Variants in HECTD4 observed in about 807,000 individuals in gnomAD.
HECTD4 encodes HECT domain E3 ubiquitin protein ligase 4, also known as probable E3 ubiquitin-protein ligase HECTD4.
In HECTD4, 114 loss-of-function variants were observed where a neutral mutation model predicts 471.5. The ratio of observed to expected loss-of-function variants is 0.24; its 90% CI spans 0.21 to 0.28. The LOEUF (loss-of-function observed/expected upper bound fraction) is 0.28. Ranked by LOEUF, HECTD4 falls within the 10% of genes least tolerant of loss-of-function variation. The probability of loss-of-function intolerance (pLI) is 1.00; values close to 1 mark genes in which losing one functional copy is unlikely to be tolerated. For missense variants in HECTD4, 3,866 were observed against 5,651.5 expected (o/e 0.68, Z 10.13); for synonymous variants, 2,012 against 2,256.0 (o/e 0.89, Z 3.07).
intron 1 of HECTD4, among the ~76,000 whole-genome samples, chr12:112,332,540 CAAAAAAAAAA>C (rs58503491): frequency 1.6e-5 from 1 of 63,022 alleles, no homozygotes; most frequent in African/African-American, 5.2e-5. Context: ...GACTCTGTCT[CAAAAAAAAAA>C]AAAAAAAAAA....
Position 112,231,619 on chromosome 12 carries a change from G to A in HECTD4, c.6094C>T (p.Pro2032Ser), listed in dbSNP as rs776128580. Residue 2032 changes from proline (P) to serine (S), a missense_variant, in exon 39 of 76, where the codon CCT becomes TCT. Pro to Ser is a moderately conservative substitution (Grantham distance 74, BLOSUM62 -1). Coordinates refer to ENST00000682272, the MANE Select transcript of HECTD4 (RefSeq NM_001388303.1). ...GTCTCTGGGTTGATAGACTCTACAG[G>A]TGGCCCAATGCTGACGATGAGGCCT... ...QSGLIVSIGP[P>S]VESINPETVS... 6.2e-7 allele frequency: 1 copy of A among 1,613,946 alleles called. No individual in the cohort carries two copies. The highest frequency in any genetic ancestry group is 8.5e-7 in the Non-Finnish European group (1 of 1,179,876).
At chr12:112,293,470 A>G (rs1260923526) in intron 7 of HECTD4, among the ~76,000 whole-genome samples, 29 of 151,916 alleles carry the variant, frequency 1.9e-4, no homozygotes. Context: ...TGAACCTGGG[A>G]GACAGAGGTT....
chr12:112,307,332 T>C (rs774780162), intron 6 of HECTD4, among the ~76,000 whole-genome samples: 18 of 152,252 alleles, frequency 1.2e-4, no homozygotes, highest in Non-Finnish European at 2.5e-4. Flanking sequence ...GACTAGAAAG[T>C]TGACAGCTAC....
rs1486026958 is a variant in HECTD4, at chr12:112,269,575, C to A, written c.2321+129G>T. ...AAACCCCTCTCCAGTGAAATTATCCCCAATCCATGAGGTCCCAATTGTGGG... is the reference window on the plus strand; with the variant it reads ...AAACCCCTCTCCAGTGAAATTATCCACAATCCATGAGGTCCCAATTGTGGG... On this transcript the variant is annotated intron_variant, in intron 13 of 75. Coordinates refer to ENST00000682272, the MANE Select transcript of HECTD4 (RefSeq NM_001388303.1). 6 of 988,138 alleles carry A rather than the reference C, an allele frequency of 6.1e-6. No homozygotes were observed. In the Admixed American group the frequency reaches 8.3e-5, roughly 14 times the overall value. The allele number at this position is 988,138 out of a possible 1,614,324, so 61.2% of individuals were successfully genotyped here.
At chr12:112,214,675 A>C (rs1008095327) in intron 48 of HECTD4, among the ~76,000 whole-genome samples, 1 of 152,160 alleles carries the variant, frequency 6.6e-6, no homozygotes, top group Admixed American at 6.5e-5. Context: ...AAGGAAATAA[A>C]AACACTGAAA....
At chr12:112,371,006 G>A (rs536348606) in intron 1 of HECTD4, among the ~76,000 whole-genome samples, 12 of 152,270 alleles carry the variant, frequency 7.9e-5, no homozygotes, top group African/African-American at 2.9e-4. Context: ...AAGGTGGGGA[G>A]GGGAAAGCAT....
At position 112,258,717 on chromosome 12, in the gene HECTD4, C is replaced by A; in HGVS notation, c.3028-121G>T. On this transcript the variant is annotated intron_variant, in intron 19 of 75. Transcript: ENST00000682272. ...TTTACAATCCTAGTCTGCTCTCCTT[C>A]ATTAAGAAATGCTGTGCTACTTAGA... 4.1e-6 allele frequency: 3 copies of A among 735,224 alleles called. No individual in the cohort carries two copies. In the South Asian group the frequency reaches 6.1e-5, roughly 15 times the overall value. The allele number at this position is 735,224 out of a possible 1,614,324, so 45.5% of individuals were successfully genotyped here.
intron 1 of HECTD4, among the ~76,000 whole-genome samples, chr12:112,372,104 C>CT (rs538069859): frequency 0.17 from 22,801 of 135,798 alleles, 2,451 homozygotes; most frequent in South Asian, 0.35. Context: ...ATAATCACAT[C>CT]TTTTTTTTTT....
At position 112,219,469 on chromosome 12, in the gene HECTD4, C is replaced by G. The variant is rs1170983598; in HGVS notation, c.6991G>C (p.Glu2331Gln). The change falls in exon 45 of 76, where the codon GAG becomes CAG. Residue 2331 changes from glutamate to glutamine, a missense_variant. Glu to Gln is a conservative substitution (Grantham distance 29). Coordinates refer to ENST00000682272, the MANE Select transcript of HECTD4 (RefSeq NM_001388303.1). ...CSAGERLAVV[E>Q]VQCERLRMLY... ...ATCCTCAGCCGTTCACACTGTACCT[C>G]CACAACTGCAAGTCGCTCTCCTGTA... 14 of 1,613,640 alleles carry G rather than the reference C, an allele frequency of 8.7e-6. No individual in the cohort carries two copies. The highest frequency in any genetic ancestry group is 1.2e-5 in the Non-Finnish European group (14 of 1,179,664).
At chr12:112,247,994 AC>A in intron 27 of HECTD4, 72 bp downstream of exon 27, 1 of 1,035,002 alleles carries the variant, frequency 9.7e-7, no homozygotes. Flanking sequence ...ACACACACAC[AC>A]ACACACACAC....
chr12:112,247,448 T>C lies in HECTD4; in HGVS notation c.4337+14A>G, dbSNP rs923662612. 1.4e-5 allele frequency: 19 copies of C among 1,371,240 alleles called. No individual in the cohort carries two copies. Among genetic ancestry groups the C allele is most frequent in the Non-Finnish European group, 1.8e-5 (18 of 1,000,792 alleles). 84.9% of individuals were successfully genotyped at this position (1,371,240 alleles called of 1,614,324 possible). ...AAGGTGATAATAGCCTTAATAGTTATTAATACGACTAACCTCAGTGATAGG... is the reference window on the plus strand; with the variant it reads ...AAGGTGATAATAGCCTTAATAGTTACTAATACGACTAACCTCAGTGATAGG... On this transcript the variant is annotated intron_variant, in intron 28 of 75. Transcript: ENST00000682272.
At chr12:112,196,739 C>A (rs992213997) in intron 55 of HECTD4, among the ~76,000 whole-genome samples, 19 of 151,972 alleles carry the variant, frequency 1.3e-4, no homozygotes, top group Admixed American at 1.2e-3. Flanking sequence ...TACAGACATG[C>A]GCCACTGCTC....
In HECTD4 at chr12:112,179,132, C is replaced by G. The variant is rs766990331; in HGVS notation, c.11211+42G>C. On this transcript the variant is annotated intron_variant, in intron 63 of 75. Transcript: ENST00000682272. The surrounding 1 kb of genome is among the most constrained non-coding windows in gnomAD (Gnocchi z 4.3). ...AGGCTCTCAGGTTCGCCCTGCAGGG[C>G]ACCCAAGGCCCGGCCTGGGTATGGT... 1 of 1,613,498 alleles carries G rather than the reference C, an allele frequency of 6.2e-7. No individual in the cohort carries two copies. Among genetic ancestry groups the G allele is most frequent in the Non-Finnish European group, 8.5e-7 (1 of 1,179,736 alleles).
chr12:112,185,263 C>T lies in HECTD4; in HGVS notation c.9703G>A (p.Ala3235Thr), dbSNP rs757318453. The T allele has an allele frequency of 7.1e-6, 11 of 1,550,048 alleles. No individual in the cohort carries two copies. The East Asian group carries it at 2.0e-4, about 28-fold the overall frequency. Residue 3235 changes from alanine (A) to threonine (T), a missense_variant, in exon 61 of 76, where the codon GCC (alanine) becomes ACC (threonine). By Grantham distance (58) the Ala-to-Thr change is moderately conservative. Around this residue, in one of 16 missense-constraint regions of HECTD4, gnomAD observed 364 missense variants for 413.2 expected, o/e 0.88. Transcript: ENST00000682272. The stretch of plus-strand genomic sequence containing the variant: ...GCCGCCCCCCCGGAGCCCCCGCAGG[C>T]GCCGCCTGAGACCCAGTTCTGCGTC... The part of the protein sequence containing the change: ...EETQNWVSGG[A>T]CGGSGGAAAG...
chr12:112,302,030 G>T lies in HECTD4; in HGVS notation c.1335+4034C>A. 2.8e-6 allele frequency: 3 copies of T among 1,087,294 alleles called. No individual in the cohort carries two copies. In the South Asian group the frequency reaches 3.7e-5, roughly 14 times the overall value. 67.4% of individuals were successfully genotyped at this position (1,087,294 alleles called of 1,614,324 possible). A position where few individuals can be genotyped will look rare whatever the true frequency, so the allele number is the denominator to read the frequency against. On this transcript the variant is annotated intron_variant, in intron 7 of 75. Coordinates refer to ENST00000682272, the MANE Select transcript of HECTD4 (RefSeq NM_001388303.1). The stretch of plus-strand genomic sequence containing the variant: ...GATACCTTCCACCAGCTTAGCCAAA[G>T]CGCCTTTGTCTTCCAAGTTCACCTG...
chr12:112,177,044 TC>T (rs1483923781), intron 64 of HECTD4, among the ~76,000 whole-genome samples: 2 of 152,162 alleles, frequency 1.3e-5, no homozygotes, highest in Non-Finnish European at 2.9e-5. Flanking sequence ...CAAATTCAGT[TC>T]CTGTTCACCC....
chr12:112,189,403 T>G (rs1382660378), intron 60 of HECTD4, among the ~76,000 whole-genome samples: 3 of 151,406 alleles, frequency 2.0e-5, no homozygotes, highest in African/African-American at 7.3e-5. Flanking sequence ...ATACAAAAAA[T>G]TGGCCAGGCG....
intron 1 of HECTD4, among the ~76,000 whole-genome samples, chr12:112,342,012 G>A (rs2135727166): frequency 6.6e-6 from 1 of 152,310 alleles, no homozygotes; most frequent in South Asian, 2.1e-4. Flanking sequence ...ACCTCAGAGA[G>A]CCTAAATTGG....
At chr12:112,169,779 G>T in intron 69 of HECTD4, 121 bp from the exon 70 acceptor site, 1 of 1,129,062 alleles carries the variant, frequency 8.9e-7, no homozygotes, top group Non-Finnish European at 1.3e-6. Flanking sequence ...TCCCTCGCTC[G>T]GCCCCCTGTG....
Sources: allele counts gnomAD v4.1 joint callset (sites outside exome capture counted in the v4.1 genomes callset), GRCh38; gene constraint gnomAD v4.1.1; regional missense constraint gnomAD v4.1.1; non-coding constraint Gnocchi (gnomAD v3.1); transcripts MANE v1.5; gene names NCBI Gene and HGNC (gene_info 2026-07-23, HGNC 2026-07-21).